The following ADGRL3 variants were observed in gnomAD, a reference collection of about 807,000 sequenced individuals.
ADGRL3 encodes calcium-independent alpha-latrotoxin receptor 3.
Under a neutral mutation model 153.5 loss-of-function variants are expected in ADGRL3, and 62 were observed. That is an observed-to-expected ratio of 0.40 (90% confidence interval 0.33 to 0.50). The LOEUF is 0.50. Among genes scored for constraint, ADGRL3 ranks in the 20% least tolerant of loss-of-function variants. ADGRL3 has a pLI of 0.47. For missense variants in ADGRL3, 1,641 were observed against 1,859.4 expected, an observed-to-expected ratio of 0.88 and a Z score of 2.16; for synonymous variants, 710 against 672.5, an observed-to-expected ratio of 1.06 and a Z score of -0.86.
At chr4:61,748,760 G>A (rs1485390917) in intron 8 of ADGRL3, among the ~76,000 whole-genome samples, 2 of 152,060 alleles carry the variant, frequency 1.3e-5, no homozygotes, top group Non-Finnish European at 2.9e-5. Context: ...AAAAACCCTA[G>A]AAGAAAACCT....
intron 13 of ADGRL3, among the ~76,000 whole-genome samples, chr4:61,916,824 A>G: frequency 6.6e-6 from 1 of 152,040 alleles, no homozygotes; most frequent in Non-Finnish European, 1.5e-5. Context: ...ATGGTGGTAC[A>G]TGCCTGTAAT....
At chr4:61,874,478 G>T (rs1391797255) in intron 9 of ADGRL3, among the ~76,000 whole-genome samples, 1 of 152,082 alleles carries the variant, frequency 6.6e-6, no homozygotes, top group Non-Finnish European at 1.5e-5. Flanking sequence ...AGCAAGTACA[G>T]GCTCCACCCA....
At chr4:61,931,513 A>G (rs933019938) in intron 13 of ADGRL3, among the ~76,000 whole-genome samples, 3 of 152,176 alleles carry the variant, frequency 2.0e-5, no homozygotes, top group Admixed American at 6.5e-5. Flanking sequence ...AACTTGCCCA[A>G]TGTCACACAG....
chr4:61,638,797 C>T (rs754398641), intron 5 of ADGRL3, among the ~76,000 whole-genome samples: 1 of 152,132 alleles, frequency 6.6e-6, no homozygotes, highest in African/African-American at 2.4e-5. Context: ...GAATTGGTGA[C>T]GTGATCAGTG....
At chr4:61,415,315 G>T (rs2152295412) in intron 2 of ADGRL3, among the ~76,000 whole-genome samples, 1 of 152,034 alleles carries the variant, frequency 6.6e-6, no homozygotes, top group East Asian at 1.9e-4. Context: ...TTATTTATAA[G>T]TACTTGCCTT....
chr4:61,533,564 A>C (rs777705222), intron 4 of ADGRL3, among the ~76,000 whole-genome samples: 10 of 152,180 alleles, frequency 6.6e-5, no homozygotes, highest in Non-Finnish European at 1.5e-4. Context: ...ATAAAATCTA[A>C]ATAAATTTCA....
chr4:61,796,710 A>G (rs2097418672), intron 8 of ADGRL3, among the ~76,000 whole-genome samples: 1 of 151,814 alleles, frequency 6.6e-6, no homozygotes. Context: ...ATTTTTTGGT[A>G]TTTGCTGTCG....
intron 13 of ADGRL3, among the ~76,000 whole-genome samples, chr4:61,932,733 G>A (rs2098822749): frequency 6.6e-6 from 1 of 152,092 alleles, no homozygotes; most frequent in Admixed American, 6.6e-5. Context: ...TGGAGTTTGA[G>A]AAGGACTGGT....
intron 8 of ADGRL3, among the ~76,000 whole-genome samples, chr4:61,748,912 A>C (rs1334486833): frequency 6.6e-6 from 1 of 151,438 alleles, no homozygotes; most frequent in Non-Finnish European, 1.5e-5. Context: ...CTACCATCAG[A>C]GTGAACAGGC....
chr4:61,458,975 G>T (rs1294604813), intron 2 of ADGRL3, among the ~76,000 whole-genome samples: 1 of 151,418 alleles, frequency 6.6e-6, no homozygotes, highest in Non-Finnish European at 1.5e-5. Context: ...ATATGTTAAT[G>T]TTTTGTGACA....
intron 2 of ADGRL3, among the ~76,000 whole-genome samples, chr4:61,489,717 C>A (rs1179424016): frequency 1.3e-5 from 2 of 151,866 alleles, no homozygotes; most frequent in African/African-American, 2.4e-5. Flanking sequence ...TATACTGATT[C>A]ATTTAACACC....
intron 1 of ADGRL3, among the ~76,000 whole-genome samples, chr4:61,372,886 G>C (rs1028873018): frequency 3.3e-5 from 5 of 152,198 alleles, no homozygotes; most frequent in Non-Finnish European, 7.3e-5. Flanking sequence ...GCGAGACTCC[G>C]TGGGGCAGGA....
At chr4:61,548,533 G>A (rs1421660759) in intron 4 of ADGRL3, among the ~76,000 whole-genome samples, 1 of 152,018 alleles carries the variant, frequency 6.6e-6, no homozygotes, top group African/African-American at 2.4e-5. Context: ...TTATTGAATA[G>A]GGAGTCCTTT....
intron 17 of ADGRL3, among the ~76,000 whole-genome samples, chr4:61,970,237 G>A (rs2099022042): frequency 6.6e-6 from 1 of 152,084 alleles, no homozygotes; most frequent in Admixed American, 6.6e-5. Flanking sequence ...TGAAAATTAT[G>A]TGTTGGTTAT....
chr4:62,059,149 AG>A (rs1738681923), intron 25 of ADGRL3, among the ~76,000 whole-genome samples: 1 of 152,146 alleles, frequency 6.6e-6, no homozygotes, highest in African/African-American at 2.4e-5. Flanking sequence ...GTAGAGCGAT[AG>A]GAAGTATGTC....
chr4:61,953,479 T>A (rs2098955074), intron 17 of ADGRL3, among the ~76,000 whole-genome samples: 1 of 152,152 alleles, frequency 6.6e-6, no homozygotes, highest in Non-Finnish European at 1.5e-5. Context: ...TAAGTTAAGA[T>A]AAACATCATA....
intron 1 of ADGRL3, among the ~76,000 whole-genome samples, chr4:61,382,665 G>A (rs1386282630): frequency 6.6e-6 from 1 of 151,626 alleles, no homozygotes; most frequent in East Asian, 1.9e-4. Context: ...ACATAAATAA[G>A]GGTGTGTGTA....
intron 8 of ADGRL3, among the ~76,000 whole-genome samples, chr4:61,767,549 G>A (rs903300584): frequency 2.6e-5 from 4 of 152,148 alleles, no homozygotes; most frequent in African/African-American, 4.8e-5. Context: ...AGGCAATCGG[G>A]CAGTGTCAGT....
At chr4:61,275,916 T>G (rs1411107129) in intron 1 of ADGRL3, among the ~76,000 whole-genome samples, 2 of 152,170 alleles carry the variant, frequency 1.3e-5, no homozygotes, top group Non-Finnish European at 2.9e-5. Flanking sequence ...AACTTTTATT[T>G]TATTATTTTT....
Sources: allele counts gnomAD v4.1 joint callset (sites outside exome capture counted in the v4.1 genomes callset), GRCh38; gene constraint gnomAD v4.1.1; transcripts MANE v1.5; gene names NCBI Gene and HGNC (gene_info 2026-07-23, HGNC 2026-07-21).